SULT1A1: variants seen among roughly 807,000 people sequenced by gnomAD.
The protein encoded by SULT1A1 is sulfotransferase family 1A member 1.
Under a neutral mutation model 36.8 loss-of-function variants are expected in SULT1A1, and 35 were observed. The ratio of observed to expected loss-of-function variants is 0.95; its 90% CI spans 0.73 to 1.26. SULT1A1 has a LOEUF of 1.26. Among genes scored for constraint, SULT1A1 ranks in the 50% most tolerant of loss-of-function variants. SULT1A1 has a pLI of 0.00. For synonymous variants in SULT1A1, 119 were observed against 146.0 expected (o/e 0.82, Z 1.33); for missense variants, 309 against 383.0 (o/e 0.81, Z 1.61).
chr16:28,618,534 CAG>C (rs1371125612), intron 2 of SULT1A1, among the ~76,000 whole-genome samples: 3 of 151,708 alleles, frequency 2.0e-5, no homozygotes, highest in Non-Finnish European at 4.4e-5. Context: ...TTAGTGGAGA[CAG>C]GGTTTCACCA....
In SULT1A1 at chr16:28,605,352, C is replaced by A; in HGVS notation, c.*469G>T. On this transcript the variant is annotated 3_prime_UTR_variant, in exon 8 of 8. Coordinates refer to ENST00000314752, the MANE Select transcript of SULT1A1 (RefSeq NM_001055.4). Reference sequence around the variant, plus strand: ...GATTAGCCCAGTCAGCCCACTGCAGCCATAACCTCCCTGGCTCAGGCGATC... The same window carrying A: ...GATTAGCCCAGTCAGCCCACTGCAGACATAACCTCCCTGGCTCAGGCGATC... 1 of 261,830 alleles carries A rather than the reference C, an allele frequency of 3.8e-6. No homozygotes were observed. Among genetic ancestry groups the A allele is most frequent in the Non-Finnish European group, 7.6e-6 (1 of 132,030 alleles). The allele number at this position is 261,830 out of a possible 1,614,324, so 16.2% of individuals were successfully genotyped here.
chr16:28,608,992 C>T (rs2047341790), intron 1 of SULT1A1, 133 bp from the exon 2 acceptor site: 7 of 1,565,806 alleles, frequency 4.5e-6, no homozygotes, highest in East Asian at 2.3e-5. Context: ...CAAAGCCACT[C>T]AGTGGCGGGG....
intron 1 of SULT1A1, chr16:28,623,121 G>T: frequency 1.0e-6 from 1 of 977,728 alleles, no homozygotes; most frequent in Non-Finnish European, 1.3e-6. Context: ...TTCCCCCCCC[G>T]GCCCCTCACC....
intron 2 of SULT1A1, among the ~76,000 whole-genome samples, chr16:28,619,751 CAT>C (rs200825047): frequency 1.4e-4 from 1 of 7,018 alleles, no homozygotes; most frequent in African/African-American, 1.9e-4. Context: ...TATATATATA[CAT>C]ATATATATAT....
intron 1 of SULT1A1, among the ~76,000 whole-genome samples, chr16:28,621,599 G>A (rs1350440401): frequency 4.0e-5 from 6 of 151,082 alleles, no homozygotes; most frequent in African/African-American, 7.3e-5. Context: ...CCCCTTCACC[G>A]CTGTACAAGA....
At position 28,608,559 on chromosome 16, in the gene SULT1A1, C is replaced by T. The variant is rs1244950973; in HGVS notation, c.193G>A (p.Gly65Ser). 2 of 1,612,246 alleles carry T rather than the reference C, an allele frequency of 1.2e-6. No individual in the cohort carries two copies. The highest frequency in any genetic ancestry group is 2.2e-5 in the East Asian group (1 of 44,882). Residue 65 changes from glycine (G) to serine (S), a missense_variant, in exon 3 of 8, where the codon GGT becomes AGT. Transcript: ENST00000314752. Reference protein sequence around the residue: ...SQILDMIYQGGDLEKCHRAPI... With the variant: ...SQILDMIYQGSDLEKCHRAPI... ...GCTCGGTGACACTTCTCCAGGTCACCACCCTGGTAGATCATGTCCAGAATC... is the reference window on the plus strand; with the variant it reads ...GCTCGGTGACACTTCTCCAGGTCACTACCCTGGTAGATCATGTCCAGAATC...
upstream of SULT1A1, chr16:28,610,279 T>TG (rs1383090511): frequency 3.5e-6 from 4 of 1,131,768 alleles, no homozygotes; most frequent in African/African-American, 5.0e-5. Context: ...TTTTTTTTTT[T>TG]TTTTTTTTTT....
chr16:28,607,413 GAA>G, intron 4 of SULT1A1: 1 of 308,820 alleles, frequency 3.2e-6, no homozygotes, highest in Non-Finnish European at 6.3e-6. Context: ...GGTCTACACT[GAA>G]GAGTCTTACG....
chr16:28,616,411 T>G (rs2047547952), intron 2 of SULT1A1, among the ~76,000 whole-genome samples: 1 of 152,104 alleles, frequency 6.6e-6, no homozygotes, highest in South Asian at 2.1e-4. Context: ...CTCAGCCTCT[T>G]GAGTAGCTGG....
chr16:28,608,066 C>T, intron 4 of SULT1A1: 5 of 617,404 alleles, frequency 8.1e-6, no homozygotes, highest in Middle Eastern at 4.4e-4. Context: ...TGGCTCACCA[C>T]AACCTCCTTC....
At chr16:28,609,714 A>C (rs1342673362) in intron 1 of SULT1A1, 3 of 501,296 alleles carry the variant, frequency 6.0e-6, no homozygotes, top group Non-Finnish European at 9.6e-6. Flanking sequence ...CCAGGATCCC[A>C]CAGCACTCCA....
In SULT1A1 at chr16:28,610,035, G is replaced by T. The variant is rs1407834304; in HGVS notation, c.-109C>A. 9 of 1,286,626 alleles carry T rather than the reference G, an allele frequency of 7.0e-6. No homozygotes were observed. Among genetic ancestry groups the T allele is most frequent in the Non-Finnish European group, 9.1e-6 (9 of 986,862 alleles). 79.7% of individuals were successfully genotyped at this position (1,286,626 alleles called of 1,614,324 possible). On this transcript the variant is annotated 5_prime_UTR_variant, in exon 1 of 8. Coordinates refer to ENST00000314752, the MANE Select transcript of SULT1A1 (RefSeq NM_001055.4). ...TGTTCTCTGAGCTGAGGGTTTCCTAGGTCCACTGTGGGAGGGATCTGGAGC... is the reference window on the plus strand; with the variant it reads ...TGTTCTCTGAGCTGAGGGTTTCCTATGTCCACTGTGGGAGGGATCTGGAGC...
intron 1 of SULT1A1, among the ~76,000 whole-genome samples, chr16:28,621,629 G>A (rs1292307590): frequency 1.3e-5 from 2 of 151,926 alleles, no homozygotes; most frequent in African/African-American, 4.8e-5. Flanking sequence ...CAGTTGCTAG[G>A]AAGCTGTTTG....
At position 28,622,058 on chromosome 16, in the gene SULT1A1, G is replaced by T. The variant is rs568821800; in HGVS notation, c.67+1073C>A. On this transcript the variant is annotated intron_variant, in intron 1 of 5. Coordinates refer to the SULT1A1 transcript ENST00000350842. ...ATTACCATGCTAAAGTCTTCACCCC[G>T]GGAGAAGCTATAGCTTCATGACTAT... Among the ~76,000 whole-genome samples, 26 of 152,224 alleles carry T rather than the reference G, an allele frequency of 1.7e-4. No homozygotes were observed. The South Asian group carries it at 5.0e-3, about 29-fold the overall frequency.
At chr16:28,616,275 T>C (rs7187851) in intron 2 of SULT1A1, among the ~76,000 whole-genome samples, 4,589 of 152,332 alleles carry the variant, frequency 0.03, 222 homozygotes, top group African/African-American at 0.098. Context: ...TATTCATATA[T>C]AATCATATCT....
Position 28,620,032 on chromosome 16 carries a change from T to C in SULT1A1, c.138+31A>G, listed in dbSNP as rs766872189. 12 of 1,590,630 alleles carry C rather than the reference T, an allele frequency of 7.5e-6. No homozygotes were observed. In the Admixed American group the frequency reaches 1.7e-4, roughly 22 times the overall value. On this transcript the variant is annotated intron_variant, in intron 2 of 5. Coordinates refer to the SULT1A1 transcript ENST00000350842. ...GTGTGTATATACACACACAAAAAGA[T>C]ACTGATAACATTTTCAAACGCCTGT...
chr16:28,610,331 C>A (rs1458375694), upstream of SULT1A1: 2 of 765,114 alleles, frequency 2.6e-6, no homozygotes, highest in African/African-American at 1.8e-5. Flanking sequence ...CTGAACTCCA[C>A]CCTGCCAGGC....
Position 28,606,540 on chromosome 16 carries a change from T to G in SULT1A1, c.594+221A>C, listed in dbSNP as rs1274514451. Among the ~76,000 whole-genome samples the G allele has an allele frequency of 4.6e-5, 7 of 151,870 alleles. 1 individual carries two copies. Among genetic ancestry groups the G allele is most frequent in the African/African-American group, 1.7e-4 (7 of 41,400 alleles). On this transcript the variant is annotated intron_variant, in intron 6 of 7. Coordinates refer to ENST00000314752, the MANE Select transcript of SULT1A1 (RefSeq NM_001055.4). ...GCAATAGGACTAAGTTTCTGATCCGTGGCCCCCCATGCAGCTGACTCAGGT... is the reference window on the plus strand; with the variant it reads ...GCAATAGGACTAAGTTTCTGATCCGGGGCCCCCCATGCAGCTGACTCAGGT...
chr16:28,606,608 C>A (rs1420089367), intron 6 of SULT1A1, among the ~76,000 whole-genome samples, 153 bp downstream of exon 6: 1 of 132,238 alleles, frequency 7.6e-6, no homozygotes, highest in African/African-American at 2.6e-5. Flanking sequence ...CAGGTGGGGC[C>A]TTAGTGGGGA....
Sources: gnomAD v4.1 joint callset for allele counts (sites outside exome capture counted in the v4.1 genomes callset) on GRCh38, gnomAD v4.1.1 for gene constraint, MANE v1.5 for transcripts, NCBI Gene and HGNC (gene_info 2026-07-23, HGNC 2026-07-21) for gene names.